The following TNPO1 variants were observed in gnomAD, a reference collection of about 807,000 sequenced individuals.
TNPO1 encodes the protein transportin-1.
A neutral mutation model predicts 119.5 loss-of-function variants in TNPO1; 8 were observed. That is an observed-to-expected ratio of 0.07 (90% CI 0.04 to 0.12). TNPO1 has a LOEUF of 0.12. Ranked by LOEUF, TNPO1 falls within the 10% of genes least tolerant of loss-of-function variation. The pLI, the probability that TNPO1 is intolerant of heterozygous loss-of-function variation, is 1.00. For missense variants in TNPO1, 576 were observed against 1,089.8 expected (o/e 0.53, Z 6.64); for synonymous variants, 362 against 363.0 (o/e 1.00, Z 0.03).
intron 18 of TNPO1, among the ~76,000 whole-genome samples, chr5:72,894,715 A>G (rs1749299379): frequency 1.3e-5 from 2 of 152,342 alleles, no homozygotes; most frequent in South Asian, 4.1e-4. Flanking sequence ...AATTTAAAAT[A>G]TTAATTGAAT....
chr5:72,884,820 C>T (rs4704044), intron 11 of TNPO1, among the ~76,000 whole-genome samples: 72,735 of 151,932 alleles, frequency 0.48, 18,731 homozygotes, highest in Admixed American at 0.61. Flanking sequence ...CTGTCCTGCA[C>T]GTTGTGGGAT....
chr5:72,863,025 T>G (rs377172627), intron 5 of TNPO1, among the ~76,000 whole-genome samples: 1 of 142,736 alleles, frequency 7.0e-6, no homozygotes, highest in Non-Finnish European at 1.6e-5. Context: ...TGTGTGTGTG[T>G]GGTTTTTTTT....
In TNPO1 at chr5:72,896,530, C is replaced by T; in HGVS notation, c.2216C>T (p.Ala739Val). Residue 739 changes from alanine to valine, a missense_variant, in exon 19 of 25, where the codon GCA (alanine) becomes GTA (valine). Physicochemically the swap from Ala to Val is moderately conservative, Grantham distance 64. Coordinates refer to ENST00000337273, the MANE Select transcript of TNPO1 (RefSeq NM_002270.4). Reference sequence around the variant, plus strand: ...TCAGTCTGCAACAATGCCACATGGGCAATTGGAGAAATCTCCATTCAAATG... The same window carrying T: ...TCAGTCTGCAACAATGCCACATGGGTAATTGGAGAAATCTCCATTCAAATG... ...FISVCNNATW[A>V]IGEISIQMGI... 1.2e-6 allele frequency: 2 copies of T among 1,611,558 alleles called. No homozygotes were observed. Among genetic ancestry groups the T allele is most frequent in the Non-Finnish European group, 1.7e-6 (2 of 1,179,556 alleles).
At chr5:72,865,010 A>C (rs991054183) in intron 5 of TNPO1, among the ~76,000 whole-genome samples, 22 of 152,194 alleles carry the variant, frequency 1.4e-4, no homozygotes, top group Non-Finnish European at 5.9e-5. Flanking sequence ...TTTTATATTT[A>C]ATTTAAACAA....
intron 14 of TNPO1, among the ~76,000 whole-genome samples, chr5:72,890,893 A>C (rs1478730832): frequency 6.6e-6 from 1 of 152,010 alleles, no homozygotes; most frequent in African/African-American, 2.4e-5. Flanking sequence ...TCACTCTGTC[A>C]CCTAGGCTAG....
At chr5:72,818,627 G>A (rs1743803645) in intron 1 of TNPO1, among the ~76,000 whole-genome samples, 1 of 152,346 alleles carries the variant, frequency 6.6e-6, no homozygotes, top group Non-Finnish European at 1.5e-5. Context: ...AAACTGCAGA[G>A]AGGAGCACAG....
In TNPO1 at chr5:72,889,769, T is replaced by C; in HGVS notation, c.1530-17T>C. The C allele has an allele frequency of 6.4e-7, 1 of 1,564,280 alleles. No individual in the cohort carries two copies. The highest frequency in any genetic ancestry group is 8.6e-7 in the Non-Finnish European group (1 of 1,162,180). Reference sequence around the variant, plus strand: ...TCTTACAGTCAATAAGTATTCTTTTTTTTTTTTTTTAAACAGTGCCTTTGC... The same window carrying C: ...TCTTACAGTCAATAAGTATTCTTTTCTTTTTTTTTTAAACAGTGCCTTTGC... On this transcript the variant is annotated splice_polypyrimidine_tract_variant and intron_variant, in intron 13 of 24. Transcript: ENST00000337273.
At chr5:72,871,351 G>A (rs1376042136) in intron 6 of TNPO1, among the ~76,000 whole-genome samples, 1 of 152,162 alleles carries the variant, frequency 6.6e-6, no homozygotes, top group African/African-American at 2.4e-5. Flanking sequence ...CATTTAAGGG[G>A]TTGAGCTCCC....
At chr5:72,870,797 C>CA (rs1274927836) in intron 6 of TNPO1, among the ~76,000 whole-genome samples, 5 of 151,786 alleles carry the variant, frequency 3.3e-5, no homozygotes, top group East Asian at 1.9e-4. Flanking sequence ...TACATGCACA[C>CA]AAAAAAAATG....
At chr5:72,906,400 T>TCCTGCC (rs2112510615) in intron 24 of TNPO1, among the ~76,000 whole-genome samples, 1 of 142,572 alleles carries the variant, frequency 7.0e-6, no homozygotes, top group Non-Finnish European at 1.5e-5. Context: ...CAAGCAATTC[T>TCCTGCC]CCTGCCCGAG....
At position 72,901,024 on chromosome 5, in the gene TNPO1, T is replaced by A; in HGVS notation, c.2465T>A (p.Phe822Tyr). Residue 822 changes from phenylalanine to tyrosine, a missense_variant, in exon 22 of 25, where the codon TTC (phenylalanine) becomes TAC (tyrosine). Around this residue, in one of 6 missense-constraint regions of TNPO1, gnomAD observed 162 missense variants for 294.1 expected, o/e 0.55. Transcript: ENST00000337273. ...GACAATGAGGAAAAGGATTCAGCATTCCGTGGAATTTGTACCATGATCAGT... is the reference window on the plus strand; with the variant it reads ...GACAATGAGGAAAAGGATTCAGCATACCGTGGAATTTGTACCATGATCAGT... ...IRDNEEKDSA[F>Y]RGICTMISVN... The A allele has an allele frequency of 6.2e-7, 1 of 1,612,096 alleles. No individual in the cohort carries two copies. Among genetic ancestry groups the A allele is most frequent in the Non-Finnish European group, 8.5e-7 (1 of 1,179,198 alleles).
chr5:72,819,841 T>C (rs1212808183), intron 1 of TNPO1, among the ~76,000 whole-genome samples: 1 of 152,076 alleles, frequency 6.6e-6, no homozygotes, highest in Non-Finnish European at 1.5e-5. Context: ...TTTCATCTTA[T>C]GTTATGAGGA....
chr5:72,839,707 C>T (rs780539165), intron 1 of TNPO1, among the ~76,000 whole-genome samples: 1 of 152,048 alleles, frequency 6.6e-6, no homozygotes, highest in Admixed American at 6.6e-5. Flanking sequence ...GCTAGAACAC[C>T]GCTGCTTATT....
At chr5:72,894,753 T>C (rs1400794808) in intron 18 of TNPO1, among the ~76,000 whole-genome samples, 1 of 152,338 alleles carries the variant, frequency 6.6e-6, no homozygotes, top group East Asian at 1.9e-4. Context: ...AATTGTGCTT[T>C]TGGATAACCA....
intron 6 of TNPO1, among the ~76,000 whole-genome samples, chr5:72,869,232 T>G (rs1747185048): frequency 6.6e-6 from 1 of 152,082 alleles, no homozygotes; most frequent in African/African-American, 2.4e-5. Context: ...TTTTACAACA[T>G]ATAAAATTGG....
At chr5:72,900,151 A>T in intron 21 of TNPO1, 70 bp downstream of exon 21, 2 of 1,352,264 alleles carry the variant, frequency 1.5e-6, no homozygotes, top group Non-Finnish European at 2.1e-6. Context: ...TCACTTTTAG[A>T]TATATTTTCA....
rs1191880110 is a variant in TNPO1, at chr5:72,861,920, G to A, written c.462+6G>A. 11 of 1,598,508 alleles carry A rather than the reference G, an allele frequency of 6.9e-6. No homozygotes were observed. The highest frequency in any genetic ancestry group is 9.4e-6 in the Non-Finnish European group (11 of 1,166,048). On this transcript the variant is annotated splice_donor_region_variant and intron_variant, in intron 5 of 24. Coordinates refer to ENST00000337273, the MANE Select transcript of TNPO1 (RefSeq NM_002270.4). ...AAGATTATAATACCTGTGAGGTAAG[G>A]ATATTTGTTTCATACATAATTGGGT...
intron 5 of TNPO1, among the ~76,000 whole-genome samples, chr5:72,865,142 T>C (rs935996212): frequency 2.0e-5 from 3 of 152,174 alleles, no homozygotes; most frequent in Admixed American, 6.5e-5. Flanking sequence ...TAATAATTTG[T>C]TTTAAAATTG....
At chr5:72,874,850 A>G (rs564372063) in intron 7 of TNPO1, among the ~76,000 whole-genome samples, 41 of 152,258 alleles carry the variant, frequency 2.7e-4, no homozygotes, top group African/African-American at 9.6e-4. Flanking sequence ...ATAAAGTAAG[A>G]CTTTATGTGT....
Sources: allele counts gnomAD v4.1 joint callset (sites outside exome capture counted in the v4.1 genomes callset), GRCh38; gene constraint gnomAD v4.1.1; regional missense constraint gnomAD v4.1.1; transcripts MANE v1.5; gene names NCBI Gene and HGNC (gene_info 2026-07-23, HGNC 2026-07-21).